The following WDR89 variants were observed in gnomAD, a reference collection of about 807,000 sequenced individuals.
WDR89 encodes WD repeat-containing protein 89.
In WDR89, 17 loss-of-function variants were observed where a neutral mutation model predicts 29.1. That is an observed-to-expected ratio of 0.58 (90% CI 0.40 to 0.88). WDR89 has a LOEUF of 0.88. Among genes scored for constraint, WDR89 ranks in the 40% least tolerant of loss-of-function variants. The pLI, the probability that WDR89 is intolerant of heterozygous loss-of-function variation, is 0.00. For synonymous variants in WDR89, 138 were observed against 157.8 expected (o/e 0.87, Z 0.94); for missense variants, 396 against 456.3 (o/e 0.87, Z 1.20).
chr14:63,637,102 G>A (rs770538324), intron 1 of WDR89, among the ~76,000 whole-genome samples: 22 of 152,088 alleles, frequency 1.4e-4, no homozygotes, highest in Non-Finnish European at 2.6e-4. Flanking sequence ...GTGGGCTAAG[G>A]ACATGAAGAG....
At chr14:63,613,456 C>T (rs183409078) in intron 2 of WDR89, among the ~76,000 whole-genome samples, 17 of 151,728 alleles carry the variant, frequency 1.1e-4, no homozygotes, top group Admixed American at 1.1e-3. Flanking sequence ...TCATTTCTTT[C>T]ATACTATTTA....
intron 1 of WDR89, among the ~76,000 whole-genome samples, chr14:63,635,393 A>G (rs1883665926): frequency 6.6e-6 from 1 of 152,210 alleles, no homozygotes; most frequent in African/African-American, 2.4e-5. Flanking sequence ...GATCATCTCA[A>G]TAGATACAGA....
chr14:63,600,120 A>C, intron 2 of WDR89, 147 bp from the exon 3 acceptor site: 1 of 444,354 alleles, frequency 2.3e-6, no homozygotes, highest in Non-Finnish European at 3.8e-6. Context: ...AATCAACAGA[A>C]ATGTATTCTA....
chr14:63,600,320 C>A (rs1343944887), intron 2 of WDR89, among the ~76,000 whole-genome samples: 1 of 151,202 alleles, frequency 6.6e-6, no homozygotes, highest in African/African-American at 2.4e-5. Context: ...ATGGGGAGAC[C>A]CCCCCGCCGT....
At chr14:63,611,446 T>C (rs1213703822) in intron 2 of WDR89, among the ~76,000 whole-genome samples, 1 of 151,266 alleles carries the variant, frequency 6.6e-6, no homozygotes, top group African/African-American at 2.4e-5. Context: ...AAATTCAATA[T>C]GGTATCCTTG....
In WDR89 at chr14:63,597,329, G is replaced by C. The variant is rs997780672; in HGVS notation, c.*1450C>G. 6.6e-6 allele frequency: 1 copy of C among 152,150 alleles called. No individual in the cohort carries two copies. The highest frequency in any genetic ancestry group is 1.5e-5 in the Non-Finnish European group (1 of 68,032). The allele number at this position is 152,150 out of a possible 1,614,324, so 9.4% of individuals were successfully genotyped here. On this transcript the variant is annotated 3_prime_UTR_variant, in exon 3 of 3. Coordinates refer to ENST00000620954, the MANE Select transcript of WDR89 (RefSeq NM_080666.4). The stretch of plus-strand genomic sequence containing the variant: ...ATGGGGATTATGGGGATTACAATTC[G>C]AGATGAAATTTGGGTGAGGACACAG...
chr14:63,607,365 A>T (rs1027282109), intron 2 of WDR89, among the ~76,000 whole-genome samples: 1 of 151,968 alleles, frequency 6.6e-6, no homozygotes, highest in Non-Finnish European at 1.5e-5. Context: ...GGGTTTCACC[A>T]TATTAGCCAG....
chr14:63,638,134 A>G (rs902795870), intron 1 of WDR89, among the ~76,000 whole-genome samples: 15 of 152,056 alleles, frequency 9.9e-5, no homozygotes, highest in African/African-American at 3.4e-4. Flanking sequence ...TAGTAGAGAC[A>G]GGGTTTTGCC....
chr14:63,598,938 A>T lies in WDR89; in HGVS notation c.1005T>A (p.Ser335=). 1 of 1,614,228 alleles carries T rather than the reference A, an allele frequency of 6.2e-7. No homozygotes were observed. Among genetic ancestry groups the T allele is most frequent in the Non-Finnish European group, 8.5e-7 (1 of 1,180,034 alleles). The change falls in exon 3 of 3, where the codon TCT becomes TCA. Residue 335 remains serine (S), a synonymous_variant. Transcript: ENST00000620954. ...RSFCWNVQDD[S]LLTGGEDAQL... ...GTGCATCTTCTCCTCCAGTCAACAA[A>T]GAATCATCTTGCACATTCCAACAGA... is the stretch of plus-strand genomic sequence containing the variant.
At chr14:63,630,242 C>T (rs1883310340) in intron 1 of WDR89, among the ~76,000 whole-genome samples, 1 of 151,652 alleles carries the variant, frequency 6.6e-6, no homozygotes, top group South Asian at 2.1e-4. Context: ...GCCACTGCAC[C>T]CAACCCAGAG....
At chr14:63,601,441 C>G in intron 2 of WDR89, 1 of 943,582 alleles carries the variant, frequency 1.1e-6, no homozygotes, top group African/African-American at 1.6e-5. Context: ...GAAAAACATG[C>G]ATGCCTAGTA....
intron 1 of WDR89, among the ~76,000 whole-genome samples, chr14:63,630,381 G>A (rs1039381699): frequency 3.3e-5 from 5 of 151,042 alleles, no homozygotes; most frequent in Non-Finnish European, 7.4e-5. Flanking sequence ...GGTAGCTCAC[G>A]CCTGTAATCA....
chr14:63,599,304 A>G lies in WDR89; in HGVS notation c.639T>C (p.Cys213=). 2 of 1,614,064 alleles carry G rather than the reference A, an allele frequency of 1.2e-6. No homozygotes were observed. Among genetic ancestry groups the G allele is most frequent in the Admixed American group, 1.7e-5 (1 of 60,020 alleles). The change falls in exon 3 of 3, where the codon TGT becomes TGC. Residue 213 remains cysteine (C), a synonymous_variant. Coordinates refer to ENST00000620954, the MANE Select transcript of WDR89 (RefSeq NM_080666.4). ...TACAGCTTACTGATGAAATTGAGTT[A>G]CAGGTTGTAACCAGTGCATCCTCCT... ...DNEEDALVTT[C]NSISSVSCIG...
chr14:63,609,727 T>C (rs1881829673), intron 2 of WDR89, among the ~76,000 whole-genome samples: 1 of 149,890 alleles, frequency 6.7e-6, no homozygotes, highest in Non-Finnish European at 1.5e-5. Flanking sequence ...AAGGTGGAGG[T>C]TACAGTGAGC....
At chr14:63,620,221 T>C (rs1882606637) in intron 2 of WDR89, among the ~76,000 whole-genome samples, 1 of 152,098 alleles carries the variant, frequency 6.6e-6, no homozygotes. Context: ...GGTACACATT[T>C]GTGTACATAC....
rs200689505 is a variant in WDR89, at chr14:63,599,117, A to T, written c.826T>A (p.Tyr276Asn). ...VVNMKEDALD[Y>N]LIGGLYHEKT... Reference sequence around the variant, plus strand: ...TCATGATATAGGCCACCAATCAAATAGTCCAAAGCATCTTCTTTCATGTTA... The same window carrying T: ...TCATGATATAGGCCACCAATCAAATTGTCCAAAGCATCTTCTTTCATGTTA... The change falls in exon 3 of 3, where the codon TAT becomes AAT. Residue 276 changes from tyrosine to asparagine, a missense_variant. Transcript: ENST00000620954. The T allele has an allele frequency of 1.2e-6, 2 of 1,613,958 alleles. No homozygotes were observed. The highest frequency in any genetic ancestry group is 2.7e-5 in the African/African-American group (2 of 74,938).
At chr14:63,610,174 C>T (rs183350421) in intron 2 of WDR89, among the ~76,000 whole-genome samples, 10 of 142,662 alleles carry the variant, frequency 7.0e-5, no homozygotes, top group Non-Finnish European at 1.0e-4. Context: ...GAGCCAAAGT[C>T]GCACCACTGC....
At chr14:63,617,041 A>T in intron 2 of WDR89, among the ~76,000 whole-genome samples, 1 of 145,776 alleles carries the variant, frequency 6.9e-6, no homozygotes. Flanking sequence ...CAAGGTAAAT[A>T]TGTTGTTGGT....
intron 2 of WDR89, among the ~76,000 whole-genome samples, chr14:63,611,246 A>G (rs922870300): frequency 2.0e-5 from 3 of 148,242 alleles, no homozygotes; most frequent in Non-Finnish European, 3.0e-5. Context: ...CTGAGGCATG[A>G]GAATCACTTG....
Sources: gnomAD v4.1 joint callset for allele counts (sites outside exome capture counted in the v4.1 genomes callset) on GRCh38, gnomAD v4.1.1 for gene constraint, MANE v1.5 for transcripts, NCBI Gene and HGNC (gene_info 2026-07-23, HGNC 2026-07-21) for gene names.